CORO1A: variants seen among roughly 807,000 people sequenced by gnomAD.
CORO1A encodes coronin 1A.
Under a neutral mutation model 44.1 loss-of-function variants are expected in CORO1A, and 17 were observed. The observed-to-expected ratio is 0.39, with a 90% CI of 0.26 to 0.58. CORO1A has a LOEUF of 0.58. Ranked by LOEUF, CORO1A falls within the 20% of genes least tolerant of loss-of-function variation. CORO1A has a pLI of 0.62. For synonymous variants in CORO1A, 271 were observed against 244.2 expected, an observed-to-expected ratio of 1.11 and a Z score of -1.02; for missense variants, 415 against 606.5, an observed-to-expected ratio of 0.68 and a Z score of 3.32.
rs768845255 is a variant in CORO1A at position 30,185,427 on chromosome 16, G to C, written c.198+20G>C. On this transcript the variant is annotated intron_variant, in intron 2 of 10. Transcript: ENST00000219150. ...GGCAAGGTGAGCCCCTGGGGCCCTG[G>C]GGGGAGCAGCTCCTCCACCGGACCC... 7.5e-6 allele frequency: 12 copies of C among 1,607,858 alleles called. No individual in the cohort carries two copies. In the East Asian group the frequency reaches 1.6e-4, roughly 21 times the overall value.
Position 30,188,257 on chromosome 16 carries a change from T to C in CORO1A, c.1065+8T>C. 1 of 1,613,674 alleles carries C rather than the reference T, an allele frequency of 6.2e-7. No individual in the cohort carries two copies. Among genetic ancestry groups the C allele is most frequent in the Non-Finnish European group, 8.5e-7 (1 of 1,179,760 alleles). Reference sequence around the variant, plus strand: ...ATGACAGTGCCTCGAAAGGTGATGCTCCCCCGCCCCACCCTGGGCTCCAGG... The same window carrying C: ...ATGACAGTGCCTCGAAAGGTGATGCCCCCCCGCCCCACCCTGGGCTCCAGG... On this transcript the variant is annotated splice_region_variant and intron_variant, in intron 9 of 10. Transcript: ENST00000219150.
intron 6 of CORO1A, 38 bp from the exon 7 acceptor site, chr16:30,187,687 C>T (rs750715781): frequency 6.5e-7 from 1 of 1,539,426 alleles, no homozygotes; most frequent in South Asian, 1.1e-5. Flanking sequence ...GACCACCATC[C>T]CAGGGCCTGG....
intron 2 of CORO1A, 141 bp from the exon 3 acceptor site, chr16:30,186,457 G>A (rs1365626863): frequency 1.6e-5 from 15 of 911,918 alleles, no homozygotes; most frequent in South Asian, 5.4e-5. Flanking sequence ...AGAACAACCC[G>A]CCCCCGTCCC....
At chr16:30,185,549 A>G in intron 2 of CORO1A, 142 bp downstream of exon 2, 1 of 692,570 alleles carries the variant, frequency 1.4e-6, no homozygotes, top group Non-Finnish European at 2.4e-6. Context: ...TGAGCCTTAC[A>G]CTTCCTCCAG....
At position 30,187,369 on chromosome 16, in the gene CORO1A, C is replaced by T. The variant is rs749823221; in HGVS notation, c.637-13C>T. On this transcript the variant is annotated splice_polypyrimidine_tract_variant and intron_variant, in intron 5 of 10. Transcript: ENST00000219150. ...GTACGGGTGCCTGACCTACCACCTC[C>T]CTTTCCTTGCAGGAGAAGGACCGTC... 1.9e-6 allele frequency: 3 copies of T among 1,610,080 alleles called. No individual in the cohort carries two copies. In the South Asian group the frequency reaches 3.3e-5, roughly 18 times the overall value.
intron 2 of CORO1A, 185 bp downstream of exon 2, chr16:30,185,592 G>A (rs1567375471): frequency 1.9e-5 from 12 of 616,868 alleles, no homozygotes; most frequent in Admixed American, 5.8e-5. Context: ...GGAAACTGAC[G>A]CTCAGAAGGA....
In CORO1A at chr16:30,183,786, G is replaced by A. The variant is rs1280588005; in HGVS notation, c.-2+61G>A. 6.6e-6 allele frequency: 1 copy of A among 151,590 alleles called. No homozygotes were observed. The highest frequency in any genetic ancestry group is 1.5e-5 in the Non-Finnish European group (1 of 67,882). 9.4% of individuals were successfully genotyped at this position (151,590 alleles called of 1,614,324 possible). A position where few individuals can be genotyped will look rare whatever the true frequency, so the allele number is the denominator to read the frequency against. ...GCGAGGGCCACCTGTGGGGCGGCGC[G>A]CGCGTGGGAGCCGCGGGCTGCGGGG... On this transcript the variant is annotated intron_variant, in intron 1 of 10. Coordinates refer to ENST00000219150, the MANE Select transcript of CORO1A (RefSeq NM_007074.4). The surrounding 1 kb of genome is among the most constrained non-coding windows in gnomAD (Gnocchi z 5.0).
rs899450392 is a variant in CORO1A, at chr16:30,184,623, A to C, written c.-1-586A>C. 14 of 180,126 alleles carry C rather than the reference A, an allele frequency of 7.8e-5. No individual in the cohort carries two copies. Among genetic ancestry groups the C allele is most frequent in the Non-Finnish European group, 1.3e-4 (11 of 84,010 alleles). The allele number at this position is 180,126 out of a possible 1,614,324, so 11.2% of individuals were successfully genotyped here. On this transcript the variant is annotated intron_variant, in intron 1 of 10. Transcript: ENST00000219150. This position sits in a 1 kb window ranked among gnomAD's most constrained non-coding sequence, Gnocchi z 4.3. ...GGAGGCGAGAGGCAGAGGTATGGGG[A>C]GGAGGAGATACCTGGACCTGAGCCA...
In CORO1A at chr16:30,188,913, G is replaced by C; in HGVS notation, c.1335G>C (p.Gln445His). ...TGCGGAAGCTCCAGGCCACGGTGCA[G>C]GAGCTCCAGAAGCGCTTGGACAGGC... ...EEMRKLQATV[Q>H]ELQKRLDRLE... The change falls in exon 11 of 11, where the codon CAG (glutamine) becomes CAC (histidine). Residue 445 changes from glutamine (Q) to histidine (H), a missense_variant. Coordinates refer to ENST00000219150, the MANE Select transcript of CORO1A (RefSeq NM_007074.4). The C allele has an allele frequency of 3.1e-6, 1 of 322,026 alleles. No individual in the cohort carries two copies. The highest frequency in any genetic ancestry group is 5.3e-6 in the Non-Finnish European group (1 of 187,702). 19.9% of individuals were successfully genotyped at this position (322,026 alleles called of 1,614,324 possible). A position where few individuals can be genotyped will look rare whatever the true frequency, so the allele number is the denominator to read the frequency against.
chr16:30,186,469 A>C, intron 2 of CORO1A, 129 bp from the exon 3 acceptor site: 5 of 1,057,710 alleles, frequency 4.7e-6, no homozygotes, highest in Non-Finnish European at 7.2e-6. Flanking sequence ...CCCCGTCCCC[A>C]CCCCAGGCCC....
rs768984732 is a variant in CORO1A at position 30,186,626 on chromosome 16, C to T, written c.227C>T (p.Thr76Met). 25 of 1,612,590 alleles carry T rather than the reference C, an allele frequency of 1.6e-5. No individual in the cohort carries two copies. The highest frequency in any genetic ancestry group is 2.0e-4 in the Middle Eastern group (1 of 4,984). The change falls in exon 3 of 11, where the codon ACG (threonine) becomes ATG (methionine). Residue 76 changes from threonine to methionine, a missense_variant. By Grantham distance (81) the Thr-to-Met change is moderately conservative. This residue lies in a region of CORO1A where 325 missense variants were observed against 521.7 expected (regional missense o/e 0.62). Coordinates refer to ENST00000219150, the MANE Select transcript of CORO1A (RefSeq NM_007074.4). ...KTGRVDKNAP[T>M]VCGHTAPVLD... ...GGACGTGTGGACAAGAATGCGCCCA[C>T]GGTCTGTGGCCACACAGCCCCTGTG...
intron 2 of CORO1A, 160 bp downstream of exon 2, chr16:30,185,567 GTGCTGTGGC>G (rs941415878): frequency 3.1e-6 from 2 of 644,936 alleles, no homozygotes; most frequent in Non-Finnish European, 5.3e-6. Flanking sequence ...CAGCTCCTCT[GTGCTGTGGC>G]TGTGTGGAAA....
rs2073315996 is a variant in CORO1A at position 30,184,850 on chromosome 16, T to C, written c.-1-359T>C. The C allele has an allele frequency of 2.6e-6, 1 of 391,800 alleles. No homozygotes were observed. The highest frequency in any genetic ancestry group is 2.1e-5 in the African/African-American group (1 of 48,262). The allele number at this position is 391,800 out of a possible 1,614,324, so 24.3% of individuals were successfully genotyped here. A position where few individuals can be genotyped will look rare whatever the true frequency, so the allele number is the denominator to read the frequency against. On this transcript the variant is annotated intron_variant, in intron 1 of 10. Transcript: ENST00000219150. This position sits in a 1 kb window ranked among gnomAD's most constrained non-coding sequence, Gnocchi z 4.3. ...AACCCACCCTCGGAGCCATCTGGGC[T>C]GATGACGCCTGAGTCTGAACCATTA...
intron 10 of CORO1A, 68 bp from the exon 11 acceptor site, chr16:30,188,792 G>A: frequency 2.0e-6 from 1 of 506,488 alleles, no homozygotes; most frequent in Non-Finnish European, 3.4e-6. Flanking sequence ...CTAGGGATGG[G>A]GCTCAGCAGA....
At position 30,187,146 on chromosome 16, in the gene CORO1A, G is replaced by A. The variant is rs931113520; in HGVS notation, c.559G>A (p.Asp187Asn). 1.2e-6 allele frequency: 2 copies of A among 1,613,964 alleles called. No homozygotes were observed. The highest frequency in any genetic ancestry group is 8.5e-7 in the Non-Finnish European group (1 of 1,180,030). The change falls in exon 5 of 11, where the codon GAT (aspartate) becomes AAT (asparagine). Residue 187 changes from aspartate to asparagine, a missense_variant. This residue lies in a region of CORO1A where 325 missense variants were observed against 521.7 expected (regional missense o/e 0.62). Transcript: ENST00000219150. ...GATCTACAGTGTGGACTGGAGCCGA[G>A]ATGGAGGCCTCATTTGTACCTCCTG... The part of the protein sequence containing the change: ...DTIYSVDWSR[D>N]GGLICTSCRD...
chr16:30,188,405 C>A lies in CORO1A; in HGVS notation c.1110C>A (p.Pro370=). Residue 370 remains proline (P), a synonymous_variant, in exon 10 of 11, where the codon CCC becomes CCA. Transcript: ENST00000219150. ...ACCTGTACCCACCCACCGCAGGGCC[C>A]GACCCTGCCCTCACGGCTGAGGAGT... ...QEDLYPPTAG[P]DPALTAEEWL... is the part of the protein sequence containing the mutation. 1 of 1,613,734 alleles carries A rather than the reference C, an allele frequency of 6.2e-7. No individual in the cohort carries two copies. The highest frequency in any genetic ancestry group is 8.5e-7 in the Non-Finnish European group (1 of 1,179,986).
At position 30,186,815 on chromosome 16, in the gene CORO1A, G is replaced by A; in HGVS notation, c.322-1G>A. The stretch of plus-strand genomic sequence containing the variant: ...AAGACTCACTGGCCCCTCCTCTGCA[G>A]GTGTGGGAGATCCCAGATGGGGGCC... On this transcript the variant is annotated splice_acceptor_variant, in intron 3 of 10. Transcript: ENST00000219150. LOFTEE classifies it high-confidence loss of function. The A allele has an allele frequency of 6.2e-7, 1 of 1,610,550 alleles. No homozygotes were observed. Among genetic ancestry groups the A allele is most frequent in the Non-Finnish European group, 8.5e-7 (1 of 1,179,994 alleles).
Position 30,188,402 on chromosome 16 carries a change from G to C in CORO1A, c.1107G>C (p.Gly369=), listed in dbSNP as rs748474084. 8 of 1,613,766 alleles carry C rather than the reference G, an allele frequency of 5.0e-6. No homozygotes were observed. The highest frequency in any genetic ancestry group is 6.8e-6 in the Non-Finnish European group (8 of 1,180,018). ...AGGACCTGTACCCACCCACCGCAGG[G>C]CCCGACCCTGCCCTCACGGCTGAGG... ...FQEDLYPPTA[G]PDPALTAEEW... is the part of the protein sequence containing the mutation. Residue 369 remains glycine (G), a synonymous_variant, in exon 10 of 11, where the codon GGG becomes GGC. Transcript: ENST00000219150.
Position 30,187,928 on chromosome 16 carries a change from C to T in CORO1A, c.862-14C>T, listed in dbSNP as rs373178145. 4 of 1,613,716 alleles carry T rather than the reference C, an allele frequency of 2.5e-6. No individual in the cohort carries two copies. Among genetic ancestry groups the T allele is most frequent in the South Asian group, 1.1e-5 (1 of 91,078 alleles). On this transcript the variant is annotated splice_polypyrimidine_tract_variant and intron_variant, in intron 7 of 10. Transcript: ENST00000219150. Reference sequence around the variant, plus strand: ...CGCTGGTATTGACCCTCCCTCCACACCTGCCACCTACAGGGTGACAGCTCA... The same window carrying T: ...CGCTGGTATTGACCCTCCCTCCACATCTGCCACCTACAGGGTGACAGCTCA...
Sources: allele counts gnomAD v4.1 joint callset, GRCh38; gene constraint gnomAD v4.1.1; regional missense constraint gnomAD v4.1.1; non-coding constraint Gnocchi (gnomAD v3.1); transcripts MANE v1.5; gene names NCBI Gene and HGNC (gene_info 2026-07-23, HGNC 2026-07-21).